The following SPEF2 variants were observed in gnomAD, a reference collection of about 807,000 sequenced individuals.
SPEF2 encodes the protein sperm flagella and cilia-associated protein 2.
SPEF2 carries 187 observed loss-of-function variants against 224.6 expected under a neutral mutation model. The observed-to-expected ratio is 0.83, with a 90% confidence interval of 0.74 to 0.94. The LOEUF is 0.94. SPEF2 is among the 40% of genes least tolerant of loss of function. The pLI is 0.00. For synonymous variants in SPEF2, 715 were observed against 707.3 expected, an observed-to-expected ratio of 1.01 and a Z score of -0.17; for missense variants, 2,170 against 2,135.6, an observed-to-expected ratio of 1.02 and a Z score of -0.32.
chr5:35,806,830 G>GA lies in SPEF2; in HGVS notation c.5138dup (p.Asn1713LysfsTer5), dbSNP rs758339817. On this transcript the variant is annotated frameshift_variant, in exon 35 of 37. Transcript: ENST00000356031. LOFTEE classifies it high-confidence loss of function. ...GGAACAGAAGGATGAAGAAATCCCT[G>GA]AAAATGCAAACAATGAAAAGATGTC... 1 of 1,613,948 alleles carries GA rather than the reference G, an allele frequency of 6.2e-7. No individual in the cohort carries two copies. Among genetic ancestry groups the GA allele is most frequent in the East Asian group, 2.2e-5 (1 of 44,856 alleles).
chr5:35,655,760 C>T (rs1406405378), intron 7 of SPEF2, among the ~76,000 whole-genome samples: 3 of 152,158 alleles, frequency 2.0e-5, no homozygotes, highest in African/African-American at 4.8e-5. Context: ...GCAGGAGTCA[C>T]CAGAGGCCAA....
intron 19 of SPEF2, chr5:35,710,224 G>T (rs976175240): frequency 6.2e-5 from 61 of 984,732 alleles, no homozygotes; most frequent in Non-Finnish European, 7.1e-5. Flanking sequence ...CAATTCAGAG[G>T]TCTGGAGGAA....
chr5:35,796,078 A>C (rs1756621328), intron 33 of SPEF2, among the ~76,000 whole-genome samples: 1 of 152,226 alleles, frequency 6.6e-6, no homozygotes, highest in Admixed American at 6.5e-5. Flanking sequence ...CTGTCAAATA[A>C]GCTAAGTTTT....
chr5:35,810,085 T>G (rs565321212), intron 36 of SPEF2, among the ~76,000 whole-genome samples: 3 of 152,248 alleles, frequency 2.0e-5, no homozygotes, highest in East Asian at 3.9e-4. Context: ...ATGATGAACT[T>G]GCAAAGAAGA....
At chr5:35,806,666 A>T in intron 34 of SPEF2, 41 bp from the exon 35 acceptor site, 4 of 1,576,270 alleles carry the variant, frequency 2.5e-6, no homozygotes, top group Non-Finnish European at 3.4e-6. Context: ...GGTGGAAAAA[A>T]CTTCAGTTTA....
chr5:35,662,729 G>A (rs1375578336), intron 8 of SPEF2, among the ~76,000 whole-genome samples: 2 of 152,118 alleles, frequency 1.3e-5, no homozygotes, highest in Non-Finnish European at 2.9e-5. Context: ...TTGAAGATCT[G>A]ATGACTGGAG....
intron 21 of SPEF2, among the ~76,000 whole-genome samples, chr5:35,739,198 T>G (rs896121780): frequency 1.3e-5 from 2 of 152,212 alleles, no homozygotes; most frequent in African/African-American, 2.4e-5. Flanking sequence ...CTTATAATGG[T>G]AAACAAGACA....
intron 18 of SPEF2, 137 bp from the exon 19 acceptor site, chr5:35,708,811 A>T: frequency 1.3e-6 from 1 of 776,144 alleles, no homozygotes. Flanking sequence ...TAGATGATTT[A>T]AGGGAAAGCC....
At chr5:35,631,188 G>T (rs1745064167) in intron 2 of SPEF2, among the ~76,000 whole-genome samples, 1 of 152,114 alleles carries the variant, frequency 6.6e-6, no homozygotes, top group South Asian at 2.1e-4. Context: ...AAAGAGAGAG[G>T]TTGTGCAGAG....
intron 36 of SPEF2, among the ~76,000 whole-genome samples, chr5:35,811,988 A>C (rs530397225): frequency 6.6e-6 from 1 of 151,694 alleles, no homozygotes; most frequent in East Asian, 1.9e-4. Flanking sequence ...TGGGTTTTCA[A>C]TGTGTTAGCC....
At chr5:35,789,358 C>T (rs1329897753) in intron 30 of SPEF2, 8 of 703,274 alleles carry the variant, frequency 1.1e-5, no homozygotes, top group African/African-American at 1.0e-4. Flanking sequence ...TGGAAATGCT[C>T]CAAATGTATC....
At chr5:35,759,855 T>TG (rs1561319556) in intron 25 of SPEF2, 136 bp downstream of exon 25, 1 of 787,464 alleles carries the variant, frequency 1.3e-6, no homozygotes, top group Non-Finnish European at 1.8e-6. Flanking sequence ...TAACCAAACA[T>TG]GTTTTTTTTT....
intron 15 of SPEF2, chr5:35,699,686 C>T (rs1223503116): frequency 2.0e-5 from 3 of 152,162 alleles, no homozygotes; most frequent in Non-Finnish European, 4.4e-5. Context: ...TCAGTTCATC[C>T]TCACAACTAC....
In SPEF2 at chr5:35,640,348, C is replaced by T. The variant is rs376856350; in HGVS notation, c.162-1083C>T. Among the ~76,000 whole-genome samples the T allele has an allele frequency of 1.9e-3, 296 of 152,192 alleles. 2 individuals carry two copies. Among genetic ancestry groups the T allele is most frequent in the African/African-American group, 6.7e-3 (279 of 41,510 alleles). ...TGTAGTGAGCAAAGCACACAGGACTCCTAAAATGGGAAGGGCATGAAAGGA... is the reference window on the plus strand; with the variant it reads ...TGTAGTGAGCAAAGCACACAGGACTTCTAAAATGGGAAGGGCATGAAAGGA... On this transcript the variant is annotated intron_variant, in intron 2 of 36. Transcript: ENST00000356031.
chr5:35,779,483 A>G lies in SPEF2; in HGVS notation c.4447+137A>G, dbSNP rs936951894. On this transcript the variant is annotated intron_variant, in intron 30 of 36. Transcript: ENST00000356031. ...ACATGCCCTTGCTTTGTTCTAGTTTATTAAATATTTGTTTCATACAACATA... is the reference window on the plus strand; with the variant it reads ...ACATGCCCTTGCTTTGTTCTAGTTTGTTAAATATTTGTTTCATACAACATA... 2.1e-5 allele frequency: 14 copies of G among 651,704 alleles called. No homozygotes were observed. The African/African-American group carries it at 2.4e-4, about 11-fold the overall frequency. 40.4% of individuals were successfully genotyped at this position (651,704 alleles called of 1,614,324 possible).
At chr5:35,772,117 G>A (rs560126426) in intron 27 of SPEF2, among the ~76,000 whole-genome samples, 2 of 152,346 alleles carry the variant, frequency 1.3e-5, no homozygotes, top group East Asian at 1.9e-4. Context: ...TAGAAGCTAT[G>A]TGTATGTTTC....
intron 24 of SPEF2, among the ~76,000 whole-genome samples, chr5:35,754,353 A>G (rs1364753828): frequency 1.3e-5 from 2 of 152,210 alleles, no homozygotes; most frequent in Non-Finnish European, 2.9e-5. Flanking sequence ...AGCTCCGCCA[A>G]GACAAAGGGC....
chr5:35,640,901 G>A (rs1036440991), intron 2 of SPEF2, among the ~76,000 whole-genome samples: 1 of 152,088 alleles, frequency 6.6e-6, no homozygotes, highest in African/African-American at 2.4e-5. Flanking sequence ...TATATTTCCT[G>A]AGCGCCACAT....
Position 35,665,882 on chromosome 5 carries a change from C to A in SPEF2, c.1168-1190C>A, listed in dbSNP as rs73080257. Among the ~76,000 whole-genome samples, 1,073 of 152,208 alleles carry A rather than the reference C, an allele frequency of 7.0e-3. 15 individuals carry two copies. Among genetic ancestry groups the A allele is most frequent in the African/African-American group, 0.025 (1,041 of 41,538 alleles). ...TCACCCAGCTTAACCCCCTTCCCAA[C>A]AAAAATGAAATAAGCACACAAAATA... On this transcript the variant is annotated intron_variant, in intron 8 of 36. Coordinates refer to ENST00000356031, the MANE Select transcript of SPEF2 (RefSeq NM_024867.4).
Sources: gnomAD v4.1 joint callset for allele counts (sites outside exome capture counted in the v4.1 genomes callset) on GRCh38, gnomAD v4.1.1 for gene constraint, MANE v1.5 for transcripts, NCBI Gene and HGNC (gene_info 2026-07-23, HGNC 2026-07-21) for gene names.